The following TTC17 variants were observed in gnomAD, a reference collection of about 807,000 sequenced individuals.
TTC17 encodes the protein tetratricopeptide repeat domain 17.
A neutral mutation model predicts 143.8 loss-of-function variants in TTC17; 58 were observed. The observed-to-expected ratio is 0.40, with a 90% CI of 0.33 to 0.50. The LOEUF is 0.50. TTC17 is among the 20% of genes least tolerant of loss of function. The probability of loss-of-function intolerance (pLI) is 0.49; values close to 1 mark genes in which losing one functional copy is unlikely to be tolerated. For synonymous variants in TTC17, 501 were observed against 497.8 expected (o/e 1.01, Z -0.09); for missense variants, 1,273 against 1,392.5 (o/e 0.91, Z 1.37).
intron 21 of TTC17, among the ~76,000 whole-genome samples, chr11:43,481,318 C>T (rs960909201): frequency 7.2e-5 from 11 of 152,044 alleles, no homozygotes; most frequent in Non-Finnish European, 1.2e-4. Flanking sequence ...CAGTTTGTAC[C>T]TGTGTTTATG....
chr11:43,478,961 C>T (rs1340743650), intron 21 of TTC17, among the ~76,000 whole-genome samples: 3 of 152,160 alleles, frequency 2.0e-5, no homozygotes, highest in African/African-American at 7.2e-5. Context: ...TAGTTCCAGG[C>T]CGGGCGTGGT....
At chr11:43,436,421 T>C (rs1361472495) in intron 16 of TTC17, 2 of 1,155,882 alleles carry the variant, frequency 1.7e-6, no homozygotes, top group Non-Finnish European at 2.2e-6. Context: ...TTTAAGAATT[T>C]GTTTTCTTCT....
intron 16 of TTC17, among the ~76,000 whole-genome samples, chr11:43,421,249 C>G (rs2134646416): frequency 1.3e-5 from 2 of 152,158 alleles, no homozygotes; most frequent in East Asian, 3.9e-4. Context: ...AGATATACAG[C>G]ATAAAAGCAT....
intron 16 of TTC17, chr11:43,436,068 C>A: frequency 9.1e-7 from 1 of 1,092,972 alleles, no homozygotes; most frequent in Non-Finnish European, 1.2e-6. Context: ...CCGGCATTGT[C>A]ACATTTTTGC....
At chr11:43,415,600 T>C (rs1439108916) in intron 16 of TTC17, among the ~76,000 whole-genome samples, 1 of 152,180 alleles carries the variant, frequency 6.6e-6, no homozygotes, top group African/African-American at 2.4e-5. Flanking sequence ...CCTTCACTTT[T>C]GATATTTAAA....
At chr11:43,387,705 ACT>A (rs1857221021) in intron 2 of TTC17, among the ~76,000 whole-genome samples, 1 of 151,166 alleles carries the variant, frequency 6.6e-6, no homozygotes, top group Non-Finnish European at 1.5e-5. Flanking sequence ...GCACACACTA[ACT>A]CTATAAAACC....
chr11:43,395,728 TTAAC>T (rs1472472419), intron 5 of TTC17, among the ~76,000 whole-genome samples: 5 of 152,226 alleles, frequency 3.3e-5, no homozygotes, highest in East Asian at 1.9e-4. Context: ...AAAGCTACGT[TTAAC>T]TAAATTCAAA....
At chr11:43,378,876 T>A (rs772111660) in intron 1 of TTC17, 9 of 210,494 alleles carry the variant, frequency 4.3e-5, no homozygotes, top group Non-Finnish European at 8.5e-5. Flanking sequence ...ATATGAAATG[T>A]GCTATCAAAA....
chr11:43,371,280 G>C (rs928323764), intron 1 of TTC17, among the ~76,000 whole-genome samples: 2 of 152,132 alleles, frequency 1.3e-5, no homozygotes, highest in Non-Finnish European at 2.9e-5. Flanking sequence ...AGTGGCATCA[G>C]ATCCTACAGG....
chr11:43,394,916 G>A (rs1472420821), intron 5 of TTC17, among the ~76,000 whole-genome samples: 1 of 152,006 alleles, frequency 6.6e-6, no homozygotes, highest in Admixed American at 6.6e-5. Flanking sequence ...AAGAGTCAAT[G>A]GCAGAAAGTG....
chr11:43,484,105 G>A (rs773340078), intron 21 of TTC17, among the ~76,000 whole-genome samples: 5 of 152,128 alleles, frequency 3.3e-5, no homozygotes, highest in Non-Finnish European at 7.3e-5. Context: ...TTGTGTCACT[G>A]TACTCCAGCC....
chr11:43,448,746 C>T (rs907350768), intron 19 of TTC17: 1 of 152,216 alleles, frequency 6.6e-6, no homozygotes, highest in South Asian at 2.1e-4. Flanking sequence ...TCTCCCTGAC[C>T]TGTCTGTCTA....
intron 3 of TTC17, among the ~76,000 whole-genome samples, chr11:43,391,044 T>C (rs2134527638): frequency 6.6e-6 from 1 of 152,330 alleles, no homozygotes; most frequent in East Asian, 1.9e-4. Context: ...GGTATGAATA[T>C]TGACTAACAA....
At chr11:43,444,885 C>G (rs551130678) in intron 18 of TTC17, among the ~76,000 whole-genome samples, 1 of 152,178 alleles carries the variant, frequency 6.6e-6, no homozygotes, top group South Asian at 2.1e-4. Flanking sequence ...TTTTATTTAA[C>G]TGAAGTGAAT....
intron 21 of TTC17, among the ~76,000 whole-genome samples, chr11:43,463,880 TAA>T (rs1947918055): frequency 6.6e-6 from 1 of 152,178 alleles, no homozygotes; most frequent in Non-Finnish European, 1.5e-5. Flanking sequence ...TGGGAAAGAA[TAA>T]AAGACTAATT....
intron 21 of TTC17, chr11:43,489,999 A>C: frequency 3.2e-6 from 1 of 316,158 alleles, no homozygotes. Flanking sequence ...TGGGCAAGAC[A>C]CTTAAGCTCT....
chr11:43,433,929 G>T (rs1947218744), intron 16 of TTC17, among the ~76,000 whole-genome samples: 1 of 152,190 alleles, frequency 6.6e-6, no homozygotes. Context: ...TCTCTGAGAA[G>T]TGTGATGTTC....
intron 16 of TTC17, among the ~76,000 whole-genome samples, chr11:43,440,184 C>G (rs1030831235): frequency 2.0e-5 from 3 of 152,138 alleles, no homozygotes; most frequent in Non-Finnish European, 2.9e-5. Flanking sequence ...GGACAGTGTT[C>G]TATATAGGAC....
At chr11:43,443,251 C>T in intron 16 of TTC17, 74 bp from the exon 17 acceptor site, 1 of 1,538,832 alleles carries the variant, frequency 6.5e-7, no homozygotes, top group South Asian at 1.3e-5. Context: ...TCTCCAAAAG[C>T]AGGGTTGGAG....
Sources: allele counts gnomAD v4.1 joint callset (sites outside exome capture counted in the v4.1 genomes callset), GRCh38; gene constraint gnomAD v4.1.1; transcripts MANE v1.5; gene names NCBI Gene and HGNC (gene_info 2026-07-23, HGNC 2026-07-21).